The following MAMDC2 variants were observed in gnomAD, a reference collection of about 807,000 sequenced individuals.
The protein encoded by MAMDC2 is MAM domain-containing protein 2.
Under a neutral mutation model 89.8 loss-of-function variants are expected in MAMDC2, and 57 were observed. The observed-to-expected ratio is 0.63, with a 90% confidence interval of 0.51 to 0.79. The LOEUF (loss-of-function observed/expected upper bound fraction) is 0.79, where lower values mean the gene tolerates loss of function less well. Among genes scored for constraint, MAMDC2 ranks in the 30% least tolerant of loss-of-function variants. The pLI is 0.00. For synonymous variants in MAMDC2, 313 were observed against 293.4 expected, an observed-to-expected ratio of 1.07 and a Z score of -0.68; for missense variants, 800 against 820.6, an observed-to-expected ratio of 0.97 and a Z score of 0.31.
intron 11 of MAMDC2, among the ~76,000 whole-genome samples, chr9:70,215,971 G>A (rs2033438563): frequency 6.6e-6 from 1 of 152,144 alleles, no homozygotes; most frequent in Admixed American, 6.5e-5. Flanking sequence ...GGCACATAGA[G>A]GGGACTTCTA....
At chr9:70,192,854 G>C (rs562439469) in intron 11 of MAMDC2, among the ~76,000 whole-genome samples, 79 of 152,182 alleles carry the variant, frequency 5.2e-4, no homozygotes, top group African/African-American at 1.9e-3. Flanking sequence ...GTTGGTTGAA[G>C]GTCAGTGAAT....
intron 2 of MAMDC2, chr9:70,082,845 G>A (rs779219943): frequency 1.3e-5 from 2 of 152,104 alleles, no homozygotes; most frequent in Non-Finnish European, 2.9e-5. Flanking sequence ...AGACCTGCAA[G>A]CTTAAGGAGC....
chr9:70,046,091 G>A (rs1826744672), intron 2 of MAMDC2, among the ~76,000 whole-genome samples: 1 of 152,166 alleles, frequency 6.6e-6, no homozygotes, highest in Admixed American at 6.5e-5. Context: ...GACTGGCTTT[G>A]GAGAGCACAC....
intron 6 of MAMDC2, among the ~76,000 whole-genome samples, chr9:70,126,993 G>T (rs748429592): frequency 6.6e-6 from 1 of 152,118 alleles, no homozygotes. Context: ...CAATGCAGAA[G>T]AATTAGAAAA....
At chr9:70,208,772 G>T (rs1477874567) in intron 11 of MAMDC2, among the ~76,000 whole-genome samples, 3 of 151,746 alleles carry the variant, frequency 2.0e-5, no homozygotes, top group African/African-American at 4.8e-5. Flanking sequence ...CTGTGGGTTT[G>T]TCATAGATAG....
intron 5 of MAMDC2, chr9:70,113,655 GGTT>G (rs1828568461): frequency 6.5e-6 from 1 of 154,514 alleles, no homozygotes; most frequent in African/African-American, 2.4e-5. Flanking sequence ...TGGGAGGTGA[GGTT>G]GTGTTACCAG....
chr9:70,064,865 A>G (rs555617108), intron 2 of MAMDC2, among the ~76,000 whole-genome samples: 295 of 152,354 alleles, frequency 1.9e-3, no homozygotes, highest in African/African-American at 6.9e-3. Context: ...GCAGCCAGTC[A>G]GTAAGAAACC....
At chr9:70,068,906 T>C (rs142678459) in intron 2 of MAMDC2, among the ~76,000 whole-genome samples, 25 of 152,304 alleles carry the variant, frequency 1.6e-4, no homozygotes, top group African/African-American at 5.8e-4. Context: ...ATTACAATGC[T>C]GTAATGAATG....
At chr9:70,057,678 T>C (rs551310601) in intron 2 of MAMDC2, among the ~76,000 whole-genome samples, 1 of 152,342 alleles carries the variant, frequency 6.6e-6, no homozygotes, top group African/African-American at 2.4e-5. Context: ...AGAAAATTAA[T>C]TGGTCTTGGA....
chr9:70,154,751 C>A (rs996389697), intron 9 of MAMDC2, among the ~76,000 whole-genome samples: 1 of 151,724 alleles, frequency 6.6e-6, no homozygotes, highest in African/African-American at 2.4e-5. Context: ...GCCTCAAGCT[C>A]TCCTCCCACC....
At chr9:70,194,697 T>G (rs1210322657) in intron 11 of MAMDC2, 5 of 152,166 alleles carry the variant, frequency 3.3e-5, no homozygotes, top group Non-Finnish European at 7.4e-5. Context: ...AAGAATAATA[T>G]GTAAGCTCCA....
At chr9:70,076,923 T>C (rs1007087955) in intron 2 of MAMDC2, among the ~76,000 whole-genome samples, 3 of 152,178 alleles carry the variant, frequency 2.0e-5, no homozygotes, top group Non-Finnish European at 4.4e-5. Flanking sequence ...CCCTTGGAGA[T>C]TGTCATATAT....
intron 5 of MAMDC2, among the ~76,000 whole-genome samples, chr9:70,122,040 A>T (rs2030308535): frequency 6.6e-6 from 1 of 152,214 alleles, no homozygotes; most frequent in Non-Finnish European, 1.5e-5. Context: ...CTAACAGTTC[A>T]ACTGAGATAG....
chr9:70,218,148 A>G (rs1276455682), intron 11 of MAMDC2, among the ~76,000 whole-genome samples, 189 bp from the exon 12 acceptor site: 1 of 152,238 alleles, frequency 6.6e-6, no homozygotes, highest in African/African-American at 2.4e-5. Context: ...TTAAGAAATC[A>G]TTTTGTTGGT....
rs138798501 is a variant in MAMDC2, at chr9:70,180,385, G to A, written c.1651+9754G>A. On this transcript the variant is annotated intron_variant, in intron 11 of 13. Transcript: ENST00000377182. ...ATCCTTTGGGTATATACCCAGTAAC[G>A]GGATTGTTGGGTCAAATGGTATTTC... Among the ~76,000 whole-genome samples the A allele has an allele frequency of 2.5e-3, 388 of 152,198 alleles. 1 individual carries two copies. Among genetic ancestry groups the A allele is most frequent in the Middle Eastern group, 0.024 (7 of 294 alleles).
chr9:70,186,050 T>C (rs1242719889), intron 11 of MAMDC2, among the ~76,000 whole-genome samples: 1 of 151,568 alleles, frequency 6.6e-6, no homozygotes, highest in Non-Finnish European at 1.5e-5. Flanking sequence ...ATTGTTTATA[T>C]TCCTTTACAA....
chr9:70,184,063 T>C (rs550570723), intron 11 of MAMDC2, among the ~76,000 whole-genome samples: 40 of 152,328 alleles, frequency 2.6e-4, no homozygotes, highest in Admixed American at 1.4e-3. Flanking sequence ...GGAGCTCTTG[T>C]AGGGCAAGCC....
intron 12 of MAMDC2, among the ~76,000 whole-genome samples, chr9:70,220,459 T>C (rs1391735517): frequency 1.3e-5 from 2 of 152,136 alleles, no homozygotes; most frequent in African/African-American, 4.8e-5. Flanking sequence ...CCCTCAGGAA[T>C]CCAAATGATG....
At chr9:70,184,343 C>G (rs939402753) in intron 11 of MAMDC2, among the ~76,000 whole-genome samples, 2 of 152,070 alleles carry the variant, frequency 1.3e-5, no homozygotes, top group African/African-American at 4.8e-5. Flanking sequence ...CTTGGAGAAT[C>G]TGATGATTAT....
Sources: allele counts gnomAD v4.1 joint callset (sites outside exome capture counted in the v4.1 genomes callset), GRCh38; gene constraint gnomAD v4.1.1; transcripts MANE v1.5; gene names NCBI Gene and HGNC (gene_info 2026-07-23, HGNC 2026-07-21).